Variants in RETREG2 observed in about 807,000 individuals in gnomAD.
RETREG2 encodes the protein reticulophagy regulator 2.
A neutral mutation model predicts 51.6 loss-of-function variants in RETREG2; 21 were observed. The observed-to-expected ratio is 0.41, with a 90% CI of 0.29 to 0.59. The LOEUF (loss-of-function observed/expected upper bound fraction) is 0.59. Ranked by LOEUF, RETREG2 falls within the 20% of genes least tolerant of loss-of-function variation. The probability of loss-of-function intolerance (pLI) is 0.34; values close to 1 mark genes in which losing one functional copy is unlikely to be tolerated. For missense variants in RETREG2, 674 were observed against 646.0 expected, an observed-to-expected ratio of 1.04 and a Z score of -0.47; for synonymous variants, 339 against 288.6, an observed-to-expected ratio of 1.17 and a Z score of -1.77.
In RETREG2 at chr2:219,181,019, A is replaced by G. The variant is rs759347397; in HGVS notation, c.641-43A>G. The stretch of plus-strand genomic sequence containing the variant: ...GACCAGTTGAATGGGGGCTCTTAGG[A>G]AATTGGCGTAGGGAGCTCTTAGTTC... On this transcript the variant is annotated intron_variant, in intron 5 of 8. Transcript: ENST00000430297. 1.9e-5 allele frequency: 31 copies of G among 1,607,234 alleles called. 1 individual carries two copies. The highest frequency in any genetic ancestry group is 3.3e-4 in the Middle Eastern group (2 of 5,992).
In RETREG2 at chr2:219,179,537, G is replaced by C. The variant is rs1407207335; in HGVS notation, c.389-196G>C. ...TGAGTTGCTTGGGAGATAAGCATGA[G>C]TAAAATCTAGTTCTTATGTTGGAGA... On this transcript the variant is annotated intron_variant, in intron 2 of 8. Transcript: ENST00000430297. Among the ~76,000 whole-genome samples, 3 of 152,214 alleles carry C rather than the reference G, an allele frequency of 2.0e-5. No individual in the cohort carries two copies. The East Asian group carries it at 5.8e-4, about 29-fold the overall frequency.
Position 219,182,555 on chromosome 2 carries a change from G to A in RETREG2, c.1558G>A (p.Ala520Thr), listed in dbSNP as rs773408085. The change falls in exon 9 of 9, where the codon GCT becomes ACT. Residue 520 changes from alanine to threonine, a missense_variant. Ala to Thr is a moderately conservative substitution (Grantham distance 58). Coordinates refer to ENST00000430297, the MANE Select transcript of RETREG2 (RefSeq NM_024293.6). ...EPETPPKPPD[A>T]PPLGPDIHSL... The stretch of plus-strand genomic sequence containing the variant: ...AGAGACACCGCCAAAACCCCCTGAT[G>A]CTCCACCCCTGGGGCCCGACATCCA... 6.2e-7 allele frequency: 1 copy of A among 1,614,182 alleles called. No homozygotes were observed. Among genetic ancestry groups the A allele is most frequent in the Non-Finnish European group, 8.5e-7 (1 of 1,180,030 alleles).
Position 219,184,758 on chromosome 2 carries a change from A to G in RETREG2, c.*2129A>G, listed in dbSNP as rs932209503. 4.0e-5 allele frequency: 6 copies of G among 151,016 alleles called. No individual in the cohort carries two copies. The highest frequency in any genetic ancestry group is 1.2e-4 in the African/African-American group (5 of 41,038). The allele number at this position is 151,016 out of a possible 1,614,324, so 9.4% of individuals were successfully genotyped here. A position where few individuals can be genotyped will look rare whatever the true frequency, so the allele number is the denominator to read the frequency against. On this transcript the variant is annotated 3_prime_UTR_variant, in exon 9 of 9. Coordinates refer to ENST00000430297, the MANE Select transcript of RETREG2 (RefSeq NM_024293.6). Reference sequence around the variant, plus strand: ...TTGTAGCTGGATCAAAATATTCTCCATAGGCCTGGAGTTTCATGAGGGTCT... The same window carrying G: ...TTGTAGCTGGATCAAAATATTCTCCGTAGGCCTGGAGTTTCATGAGGGTCT...
chr2:219,178,468 C>T lies in RETREG2; in HGVS notation c.116C>T (p.Ala39Val). ...SLGMSEATSE[A>V]EEEAATAEAV... is the part of the protein sequence containing the mutation. The stretch of plus-strand genomic sequence containing the variant: ...GGCATGAGTGAGGCCACCAGTGAGG[C>T]AGAGGAGGAGGCGGCCACGGCCGAG... The change falls in exon 1 of 9, where the codon GCA (alanine) becomes GTA (valine). Residue 39 changes from alanine to valine, a missense_variant. Physicochemically the swap from Ala to Val is moderately conservative, Grantham distance 64. Coordinates refer to ENST00000430297, the MANE Select transcript of RETREG2 (RefSeq NM_024293.6). 2.0e-6 allele frequency: 2 copies of T among 979,364 alleles called. No homozygotes were observed. Among genetic ancestry groups the T allele is most frequent in the Non-Finnish European group, 1.5e-6 (1 of 688,682 alleles). 60.7% of individuals were successfully genotyped at this position (979,364 alleles called of 1,614,324 possible).
rs144808050 is a variant in RETREG2, at chr2:219,181,709, A to G, written c.949A>G (p.Ile317Val). 3.7e-6 allele frequency: 6 copies of G among 1,613,930 alleles called. No homozygotes were observed. The highest frequency in any genetic ancestry group is 5.1e-6 in the Non-Finnish European group (6 of 1,179,990). Residue 317 changes from isoleucine to valine, a missense_variant, in exon 8 of 9, where the codon ATC becomes GTC. By Grantham distance (29) the Ile-to-Val change is conservative. Transcript: ENST00000430297. ...DSELSDEEAS[I>V]LESGGFSVSR... ...AGAGCTGTCAGATGAGGAGGCTTCT[A>G]TCTTGGAGAGTGGTGGCTTCTCCGT...
Position 219,178,903 on chromosome 2 carries a change from G to A in RETREG2, c.282-19G>A. The A allele has an allele frequency of 1.3e-6, 2 of 1,566,580 alleles. No homozygotes were observed. Among genetic ancestry groups the A allele is most frequent in the Admixed American group, 1.7e-5 (1 of 59,322 alleles). ...CCTGTCTCACCCACTCACTGCTGAG[G>A]TGCCTGTCTCTCCCTAAGGTTGCTG... On this transcript the variant is annotated intron_variant, in intron 1 of 8. Coordinates refer to ENST00000430297, the MANE Select transcript of RETREG2 (RefSeq NM_024293.6).
At position 219,182,647 on chromosome 2, in the gene RETREG2, G is replaced by T. The variant is rs192404850; in HGVS notation, c.*18G>T. The T allele has an allele frequency of 3.7e-4, 602 of 1,611,494 alleles. 2 individuals carry two copies. In the African/African-American group the frequency reaches 7.2e-3, roughly 19 times the overall value. On this transcript the variant is annotated 3_prime_UTR_variant, in exon 9 of 9. Coordinates refer to ENST00000430297, the MANE Select transcript of RETREG2 (RefSeq NM_024293.6). ...AGCCATGAGCCAGCCGTTGAGGAAG[G>T]AGCTGCAGGCACAGTAGGGCTTCCT... is the stretch of plus-strand genomic sequence containing the variant.
Position 219,182,746 on chromosome 2 carries a change from G to A in RETREG2, c.*117G>A, listed in dbSNP as rs767290119. The stretch of plus-strand genomic sequence containing the variant: ...GCAGTGTGTGGGGAAGCTGGCTGTC[G>A]GATGGTAGCTATTCCACCCTCTGCC... On this transcript the variant is annotated 3_prime_UTR_variant, in exon 9 of 9. Transcript: ENST00000430297. 1.5e-5 allele frequency: 19 copies of A among 1,260,496 alleles called. No individual in the cohort carries two copies. The highest frequency in any genetic ancestry group is 5.6e-5 in the South Asian group (4 of 71,216). 78.1% of individuals were successfully genotyped at this position (1,260,496 alleles called of 1,614,324 possible). A position where few individuals can be genotyped will look rare whatever the true frequency, so the allele number is the denominator to read the frequency against.
chr2:219,181,220 T>C lies in RETREG2; in HGVS notation c.784+15T>C, dbSNP rs768452387. ...CGACAAGAGGAGTAAGGGGCTGCCCTAAGCCAGGAGGGTGAAAGAGCGGGA... is the reference window on the plus strand; with the variant it reads ...CGACAAGAGGAGTAAGGGGCTGCCCCAAGCCAGGAGGGTGAAAGAGCGGGA... On this transcript the variant is annotated intron_variant, in intron 6 of 8. Coordinates refer to ENST00000430297, the MANE Select transcript of RETREG2 (RefSeq NM_024293.6). The C allele has an allele frequency of 5.6e-6, 9 of 1,613,620 alleles. No homozygotes were observed. In the African/African-American group the frequency reaches 1.2e-4, roughly 22 times the overall value.
rs780915983 is a variant in RETREG2, at chr2:219,181,693, A to C, written c.933A>C (p.Ser311=). The C allele has an allele frequency of 1.2e-6, 2 of 1,614,076 alleles. No individual in the cohort carries two copies. The highest frequency in any genetic ancestry group is 2.2e-5 in the South Asian group (2 of 91,094). The part of the protein sequence containing the change: ...LALAITDSEL[S]DEEASILESG... ...TGGCCATTACAGACTCAGAGCTGTC[A>C]GATGAGGAGGCTTCTATCTTGGAGA... Residue 311 remains serine, a synonymous_variant, in exon 8 of 9, where the codon TCA becomes TCC. Coordinates refer to ENST00000430297, the MANE Select transcript of RETREG2 (RefSeq NM_024293.6).
chr2:219,180,049 G>T, intron 3 of RETREG2, 61 bp from the exon 4 acceptor site: 1 of 1,597,510 alleles, frequency 6.3e-7, no homozygotes, highest in Non-Finnish European at 8.6e-7. Context: ...TTCTCAGAGG[G>T]ATTTAAGTGT....
At position 219,178,479 on chromosome 2, in the gene RETREG2, G is replaced by T; in HGVS notation, c.127G>T (p.Ala43Ser). 1 of 1,121,150 alleles carries T rather than the reference G, an allele frequency of 8.9e-7. No individual in the cohort carries two copies. The allele number at this position is 1,121,150 out of a possible 1,614,324, so 69.5% of individuals were successfully genotyped here. ...GGCCACCAGTGAGGCAGAGGAGGAGGCGGCCACGGCCGAGGCGGTGGGACG... is the reference window on the plus strand; with the variant it reads ...GGCCACCAGTGAGGCAGAGGAGGAGTCGGCCACGGCCGAGGCGGTGGGACG... Reference protein sequence around the residue: ...SEATSEAEEEAATAEAVGRLA... With the variant: ...SEATSEAEEESATAEAVGRLA... Residue 43 changes from alanine to serine, a missense_variant, in exon 1 of 9, where the codon GCG becomes TCG. Physicochemically the swap from Ala to Ser is moderately conservative, Grantham distance 99. Coordinates refer to ENST00000430297, the MANE Select transcript of RETREG2 (RefSeq NM_024293.6).
chr2:219,180,657 C>T lies in RETREG2; in HGVS notation c.556-13C>T, dbSNP rs1950265536. 1 of 1,614,028 alleles carries T rather than the reference C, an allele frequency of 6.2e-7. No individual in the cohort carries two copies. Among genetic ancestry groups the T allele is most frequent in the African/African-American group, 1.3e-5 (1 of 74,924 alleles). On this transcript the variant is annotated splice_polypyrimidine_tract_variant and intron_variant, in intron 4 of 8. Transcript: ENST00000430297. Reference sequence around the variant, plus strand: ...TCAGCGTGATGTTCTTAGACTTTTGCTCTTCTCTGCAGTTCTGCGTTCGAG... The same window carrying T: ...TCAGCGTGATGTTCTTAGACTTTTGTTCTTCTCTGCAGTTCTGCGTTCGAG...
Position 219,179,047 on chromosome 2 carries a change from A to T in RETREG2, c.388+19A>T, listed in dbSNP as rs1177832284. 1.3e-6 allele frequency: 2 copies of T among 1,563,196 alleles called. No homozygotes were observed. The highest frequency in any genetic ancestry group is 1.8e-6 in the Non-Finnish European group (2 of 1,134,128). ...GTTTCAGGTGAGTGTTTCTTCATTC[A>T]GTAAGCACCCATTGGGTACTTGCTT... On this transcript the variant is annotated intron_variant, in intron 2 of 8. Transcript: ENST00000430297.
In RETREG2 at chr2:219,178,574, G is replaced by A; in HGVS notation, c.222G>A (p.Leu74=). Residue 74 remains leucine (L), a synonymous_variant, in exon 1 of 9, where the codon CTG becomes CTA. Coordinates refer to ENST00000430297, the MANE Select transcript of RETREG2 (RefSeq NM_024293.6). ...TGCTGGCGGCGGCGCAGCGGTTGCTGGTGTGGGAGAAGCCGCTGCACAGCC... is the reference window on the plus strand; with the variant it reads ...TGCTGGCGGCGGCGCAGCGGTTGCTAGTGTGGGAGAAGCCGCTGCACAGCC... The part of the protein sequence containing the change: ...EAVLAAAQRL[L]VWEKPLHSLV... 2 of 1,463,326 alleles carry A rather than the reference G, an allele frequency of 1.4e-6. No individual in the cohort carries two copies. The highest frequency in any genetic ancestry group is 2.6e-5 in the South Asian group (2 of 75,854). 90.6% of individuals were successfully genotyped at this position (1,463,326 alleles called of 1,614,324 possible).
rs992053608 is a variant in RETREG2 at position 219,184,202 on chromosome 2, T to C, written c.*1573T>C. 1.3e-5 allele frequency: 2 copies of C among 152,162 alleles called. No homozygotes were observed. The highest frequency in any genetic ancestry group is 2.4e-5 in the African/African-American group (1 of 41,432). 9.4% of individuals were successfully genotyped at this position (152,162 alleles called of 1,614,324 possible). On this transcript the variant is annotated 3_prime_UTR_variant, in exon 9 of 9. Transcript: ENST00000430297. ...GCACAGGTAGGAAGATGCACAAGGA[T>C]GTGGGAACTATAGAGAACCAATCTG...
At chr2:219,178,676 G>A in intron 1 of RETREG2, 43 bp downstream of exon 1, 3 of 1,420,606 alleles carry the variant, frequency 2.1e-6, no homozygotes, top group Non-Finnish European at 2.7e-6. Context: ...ATGAGCGGGG[G>A]AGGGAGGGGT....
chr2:219,180,843 C>A, intron 5 of RETREG2, 89 bp downstream of exon 5: 1 of 1,462,450 alleles, frequency 6.8e-7, no homozygotes, highest in Non-Finnish European at 9.5e-7. Context: ...GCTCTCTCTG[C>A]TCAGTTTCTG....
At chr2:219,180,961 G>A in intron 5 of RETREG2, 101 bp from the exon 6 acceptor site, 2 of 1,527,210 alleles carry the variant, frequency 1.3e-6, no homozygotes, top group Non-Finnish European at 1.8e-6. Context: ...CCTTGGGAAA[G>A]GACCTTGCCT....
Sources: allele counts gnomAD v4.1 joint callset (sites outside exome capture counted in the v4.1 genomes callset), GRCh38; gene constraint gnomAD v4.1.1; transcripts MANE v1.5; gene names NCBI Gene and HGNC (gene_info 2026-07-23, HGNC 2026-07-21).